Variants in PLA2R1 observed in about 807,000 individuals in gnomAD.
PLA2R1 encodes the protein phospholipase A2 receptor 1, also known as secretory phospholipase A2 receptor.
Under a neutral mutation model 195.9 loss-of-function variants are expected in PLA2R1, and 158 were observed. The observed-to-expected ratio is 0.81, with a 90% CI of 0.71 to 0.92. The LOEUF (loss-of-function observed/expected upper bound fraction) is 0.92, where lower values mean the gene tolerates loss of function less well. Ranked by LOEUF, PLA2R1 falls within the 40% of genes least tolerant of loss-of-function variation. The pLI is 0.00. For missense variants in PLA2R1, 1,626 were observed against 1,764.6 expected (o/e 0.92, Z 1.41); for synonymous variants, 586 against 598.2 (o/e 0.98, Z 0.30).
At chr2:159,989,189 TGTG>T (rs1690578284) in intron 11 of PLA2R1, among the ~76,000 whole-genome samples, 1 of 152,192 alleles carries the variant, frequency 6.6e-6, no homozygotes, top group African/African-American at 2.4e-5. Context: ...GATGCAAGGT[TGTG>T]GGCAGGCAAG....
At chr2:160,000,147 C>T (rs917725471) in intron 11 of PLA2R1, among the ~76,000 whole-genome samples, 2 of 151,978 alleles carry the variant, frequency 1.3e-5, no homozygotes, top group Non-Finnish European at 2.9e-5. Flanking sequence ...GGAGATGAAG[C>T]CTAAGAGATA....
intron 3 of PLA2R1, among the ~76,000 whole-genome samples, chr2:160,036,010 C>T (rs62175487): frequency 0.35 from 53,830 of 152,032 alleles, 11,863 homozygotes; most frequent in Non-Finnish European, 0.5. Context: ...TCCCTGGCTG[C>T]CCCCTTTCAG....
chr2:160,025,015 T>A (rs568992466), intron 6 of PLA2R1, among the ~76,000 whole-genome samples: 1 of 152,156 alleles, frequency 6.6e-6, no homozygotes, highest in Non-Finnish European at 1.5e-5. Context: ...CCCCTAGAGC[T>A]TGAGTTGCCA....
chr2:160,005,467 CAAAT>C (rs1235304548), intron 11 of PLA2R1, among the ~76,000 whole-genome samples, 181 bp downstream of exon 11: 5 of 151,410 alleles, frequency 3.3e-5, no homozygotes, highest in African/African-American at 9.7e-5. Context: ...AACAAACAAA[CAAAT>C]AAAATAAATA....
chr2:159,961,314 C>T (rs1281949794), intron 20 of PLA2R1, among the ~76,000 whole-genome samples: 1 of 152,116 alleles, frequency 6.6e-6, no homozygotes, highest in East Asian at 1.9e-4. Context: ...CTCCTAATGC[C>T]TTGAAGAAAG....
Position 159,970,202 on chromosome 2 carries a change from T to A in PLA2R1, c.2606A>T (p.Tyr869Phe), listed in dbSNP as rs143007086. 1 of 1,608,452 alleles carries A rather than the reference T, an allele frequency of 6.2e-7. No individual in the cohort carries two copies. Among genetic ancestry groups the A allele is most frequent in the South Asian group, 1.1e-5 (1 of 90,506 alleles). Residue 869 changes from tyrosine (Y) to phenylalanine (F), a missense_variant, in exon 18 of 30, where the codon TAT (tyrosine) becomes TTT (phenylalanine). Transcript: ENST00000283243. ...IHSKIKALSK[Y>F]GASWWIGLQE... Reference sequence around the variant, plus strand: ...AAGTCCAATCCACCAACTTGCACCATACTTTGATAGCTATTGAAAGAAAAA... The same window carrying A: ...AAGTCCAATCCACCAACTTGCACCAAACTTTGATAGCTATTGAAAGAAAAA...
At chr2:160,035,041 A>C (rs59137532) in intron 3 of PLA2R1, among the ~76,000 whole-genome samples, 5,167 of 152,292 alleles carry the variant, frequency 0.034, 435 homozygotes, top group East Asian at 0.31. Context: ...TGTATATATG[A>C]AACATAAATG....
chr2:159,958,134 G>A (rs1688217636), intron 20 of PLA2R1, among the ~76,000 whole-genome samples: 1 of 152,188 alleles, frequency 6.6e-6, no homozygotes, highest in Non-Finnish European at 1.5e-5. Context: ...GAGGCCTGGT[G>A]GGAGGTGATT....
chr2:160,032,129 A>G (rs948837068), intron 4 of PLA2R1, among the ~76,000 whole-genome samples: 1 of 152,258 alleles, frequency 6.6e-6, no homozygotes, highest in African/African-American at 2.4e-5. Context: ...ATGCATTTAT[A>G]TGTTTTTGCA....
intron 2 of PLA2R1, among the ~76,000 whole-genome samples, chr2:160,044,346 A>T (rs1394231489): frequency 6.6e-6 from 1 of 152,216 alleles, no homozygotes. Flanking sequence ...TCCTGGACAC[A>T]TACCTCCATA....
intron 25 of PLA2R1, among the ~76,000 whole-genome samples, chr2:159,948,916 T>C (rs1687555965): frequency 6.6e-6 from 1 of 152,218 alleles, no homozygotes; most frequent in Non-Finnish European, 1.5e-5. Context: ...GTACTGGTGA[T>C]GGACAGCTGT....
In PLA2R1 at chr2:160,044,992, A is replaced by G. The variant is rs148998300; in HGVS notation, c.275T>C (p.Leu92Pro). The change falls in exon 2 of 30, where the codon CTG (leucine) becomes CCG (proline). Residue 92 changes from leucine to proline, a missense_variant. Leu to Pro is a moderately conservative substitution (Grantham distance 98, BLOSUM62 -3). Transcript: ENST00000283243. ...FNIGGSGCLGLNFSAPEQPLS... is the reference protein window; with the variant it reads ...FNIGGSGCLGPNFSAPEQPLS... ...TGGCTGCTCTGGGGCGGAGAAATTCAGGCCCAGGCAACCACTGCCTCCTAT... is the reference window on the plus strand; with the variant it reads ...TGGCTGCTCTGGGGCGGAGAAATTCGGGCCCAGGCAACCACTGCCTCCTAT... 56 of 1,613,756 alleles carry G rather than the reference A, an allele frequency of 3.5e-5. No individual in the cohort carries two copies. Among genetic ancestry groups the G allele is most frequent in the Admixed American group, 6.7e-5 (4 of 60,006 alleles).
chr2:160,048,838 ATT>A (rs1205003993), intron 1 of PLA2R1, among the ~76,000 whole-genome samples: 28 of 127,772 alleles, frequency 2.2e-4, no homozygotes, highest in African/African-American at 2.5e-4. Context: ...TAGAAGAAAC[ATT>A]TTTTTTTTTT....
At position 159,941,721 on chromosome 2, in the gene PLA2R1, C is replaced by A; in HGVS notation, c.*57G>T. 1.1e-6 allele frequency: 1 copy of A among 885,426 alleles called. No homozygotes were observed. The highest frequency in any genetic ancestry group is 2.0e-5 in the Admixed American group (1 of 51,084). 54.8% of individuals were successfully genotyped at this position (885,426 alleles called of 1,614,324 possible). A position where few individuals can be genotyped will look rare whatever the true frequency, so the allele number is the denominator to read the frequency against. ...GCTGTAAAGGGAAAGACAGATGAGA[C>A]TCCTGTTTAGTCTTCTTTACTTACC... On this transcript the variant is annotated 3_prime_UTR_variant, in exon 30 of 30. Transcript: ENST00000283243.
chr2:160,016,700 TC>T lies in PLA2R1; in HGVS notation c.1464del (p.Trp488Ter). On this transcript the variant is annotated frameshift_variant, in exon 9 of 30. Transcript: ENST00000283243. LOFTEE classifies it high-confidence loss of function. ...AGTCTTTCTTCACAATTTTTGACTT[TC>T]CAGTGTCCCTCCTACGGAGAAAAAT... is the stretch of plus-strand genomic sequence containing the variant. ...CVSAEQSEGH[W>X]KVKNCEERLF... The T allele has an allele frequency of 6.3e-7, 1 of 1,577,952 alleles. No individual in the cohort carries two copies. Among genetic ancestry groups the T allele is most frequent in the Non-Finnish European group, 8.7e-7 (1 of 1,146,958 alleles).
chr2:160,017,821 A>G (rs1453831791), intron 8 of PLA2R1, among the ~76,000 whole-genome samples: 1 of 152,186 alleles, frequency 6.6e-6, no homozygotes, highest in Non-Finnish European at 1.5e-5. Context: ...GAGCCCTTCC[A>G]TGACCCTTAG....
At chr2:159,964,989 T>C (rs1434647024) in intron 20 of PLA2R1, among the ~76,000 whole-genome samples, 3 of 152,124 alleles carry the variant, frequency 2.0e-5, no homozygotes, top group African/African-American at 7.2e-5. Context: ...ATCATGTCAC[T>C]GCACTTCAGC....
At chr2:159,958,886 T>C (rs1688268094) in intron 20 of PLA2R1, among the ~76,000 whole-genome samples, 1 of 152,150 alleles carries the variant, frequency 6.6e-6, no homozygotes, top group Non-Finnish European at 1.5e-5. Flanking sequence ...ATGTCAATAG[T>C]GTAAGGTAAT....
At chr2:160,054,507 G>A (rs1032832270) in intron 1 of PLA2R1, among the ~76,000 whole-genome samples, 1 of 152,176 alleles carries the variant, frequency 6.6e-6, no homozygotes, top group African/African-American at 2.4e-5. Flanking sequence ...GTTCTCAAGA[G>A]CAGAATACCA....
Sources: gnomAD v4.1 joint callset for allele counts (sites outside exome capture counted in the v4.1 genomes callset) on GRCh38, gnomAD v4.1.1 for gene constraint, MANE v1.5 for transcripts, NCBI Gene and HGNC (gene_info 2026-07-23, HGNC 2026-07-21) for gene names.